Variants in COMT observed in about 807,000 individuals in gnomAD.
COMT encodes catechol-O-methyltransferase, also known as catechol O-methyltransferase.
Under a neutral mutation model 18.9 loss-of-function variants are expected in COMT, and 13 were observed. The observed-to-expected ratio is 0.69, with a 90% CI of 0.45 to 1.09. The LOEUF (loss-of-function observed/expected upper bound fraction) is 1.09, where lower values mean the gene tolerates loss of function less well. COMT is among the 50% of genes least tolerant of loss of function. COMT has a pLI of 0.00. For synonymous variants in COMT, 150 were observed against 160.9 expected, an observed-to-expected ratio of 0.93 and a Z score of 0.51; for missense variants, 329 against 361.8, an observed-to-expected ratio of 0.91 and a Z score of 0.73.
At chr22:19,963,492 G>T (rs1375817668) in intron 3 of COMT, 74 bp from the exon 4 acceptor site, 21 of 1,540,904 alleles carry the variant, frequency 1.4e-5, no homozygotes, top group South Asian at 3.4e-5. Context: ...GAGAGGTGGG[G>T]GGCCGTGCCT....
intron 3 of COMT, chr22:19,963,197 A>T: frequency 2.1e-6 from 1 of 473,884 alleles, no homozygotes; most frequent in Admixed American, 3.7e-5. Context: ...GGAGTGACTC[A>T]GGGAACTAGT....
At chr22:19,964,803 G>T in intron 5 of COMT, 1 of 324,892 alleles carries the variant, frequency 3.1e-6, no homozygotes, top group South Asian at 3.4e-5. Context: ...GCTAGACAGC[G>T]GGTGGGGCTG....
At chr22:19,956,962 T>C (rs1189119512) in intron 1 of COMT, among the ~76,000 whole-genome samples, 3 of 151,748 alleles carry the variant, frequency 2.0e-5, no homozygotes, top group African/African-American at 7.3e-5. Flanking sequence ...GTCTTTTTTT[T>C]TTTTTTGAGA....
intron 5 of COMT, among the ~76,000 whole-genome samples, chr22:19,967,859 G>A (rs532621286): frequency 1.3e-5 from 2 of 152,232 alleles, no homozygotes; most frequent in African/African-American, 4.8e-5. Flanking sequence ...GCATAGATAG[G>A]CAAGCATCCT....
chr22:19,941,836 C>T lies in COMT; in HGVS notation c.-153C>T. 8.0e-6 allele frequency: 12 copies of T among 1,494,698 alleles called. No individual in the cohort carries two copies. Among genetic ancestry groups the T allele is most frequent in the African/African-American group, 1.5e-5 (1 of 68,742 alleles). 92.6% of individuals were successfully genotyped at this position (1,494,698 alleles called of 1,614,324 possible). On this transcript the variant is annotated 5_prime_UTR_variant, in exon 1 of 6. Coordinates refer to ENST00000361682, the MANE Select transcript of COMT (RefSeq NM_000754.4). Reference sequence around the variant, plus strand: ...GGGCTTCTGGGGCAGCTAGGGCTGCCCGCCGCGCTGCCTGCGCCGGACCGG... The same window carrying T: ...GGGCTTCTGGGGCAGCTAGGGCTGCTCGCCGCGCTGCCTGCGCCGGACCGG...
At chr22:19,958,407 C>T (rs1942112547) in intron 1 of COMT, among the ~76,000 whole-genome samples, 1 of 151,866 alleles carries the variant, frequency 6.6e-6, no homozygotes, top group Non-Finnish European at 1.5e-5. Context: ...TCAAGCAATC[C>T]TCCCATCCCA....
In COMT at chr22:19,969,969, T is replaced by C; in HGVS notation, c.*1233T>C. 1 of 985,666 alleles carries C rather than the reference T, an allele frequency of 1.0e-6. No individual in the cohort carries two copies. The allele number at this position is 985,666 out of a possible 1,614,324, so 61.1% of individuals were successfully genotyped here. ...TTACCAATAGTCTTATTTTGGCTTATTTTTAATGCTTTTTCTCAGTGTTTT... is the reference window on the plus strand; with the variant it reads ...TTACCAATAGTCTTATTTTGGCTTACTTTTAATGCTTTTTCTCAGTGTTTT... On this transcript the variant is annotated 3_prime_UTR_variant, in exon 6 of 6. Transcript: ENST00000361682.
chr22:19,962,134 T>G, intron 2 of COMT: 1 of 312,730 alleles, frequency 3.2e-6, no homozygotes, highest in Non-Finnish European at 6.2e-6. Context: ...TACCCCCAAC[T>G]CCGGGCCATG....
chr22:19,948,140 ATATC>A (rs1407784012), intron 1 of COMT, among the ~76,000 whole-genome samples: 2 of 152,200 alleles, frequency 1.3e-5, no homozygotes, highest in African/African-American at 4.8e-5. Context: ...TCTATGATCT[ATATC>A]TAATGTAACT....
At chr22:19,962,024 A>G (rs1357100964) in intron 2 of COMT, 1 of 186,582 alleles carries the variant, frequency 5.4e-6, no homozygotes, top group African/African-American at 2.4e-5. Context: ...AAAAGGCCAC[A>G]TGAATCCCTG....
intron 1 of COMT, among the ~76,000 whole-genome samples, chr22:19,948,726 G>A (rs1462120954): frequency 6.6e-6 from 1 of 152,070 alleles, no homozygotes; most frequent in African/African-American, 2.4e-5. Flanking sequence ...AGGTCAAGGT[G>A]GACAGATCAC....
At chr22:19,958,037 C>CA (rs1283589577) in intron 1 of COMT, among the ~76,000 whole-genome samples, 1 of 151,896 alleles carries the variant, frequency 6.6e-6, no homozygotes, top group Non-Finnish European at 1.5e-5. Flanking sequence ...TCCCTGTTTT[C>CA]AATTCTTGGT....
At chr22:19,950,514 G>A (rs528907708) in intron 1 of COMT, among the ~76,000 whole-genome samples, 32 of 152,268 alleles carry the variant, frequency 2.1e-4, no homozygotes, top group African/African-American at 7.0e-4. Flanking sequence ...TGCCCTGATG[G>A]ATGACTACAT....
At chr22:19,960,132 A>T (rs1316328797) in intron 1 of COMT, among the ~76,000 whole-genome samples, 1 of 152,266 alleles carries the variant, frequency 6.6e-6, no homozygotes, top group Non-Finnish European at 1.5e-5. Context: ...TCAAAAGCCA[A>T]ATTCTTACAC....
chr22:19,950,261 T>TTTTTTTTTTTTTTTTG (rs763598655), intron 1 of COMT, among the ~76,000 whole-genome samples: 38 of 132,718 alleles, frequency 2.9e-4, no homozygotes, highest in Non-Finnish European at 4.9e-4. Flanking sequence ...TTTTTTTTTT[T>TTTTTTTTTTTTTTTTG]TTCTGTAGAG....
chr22:19,967,392 C>CG, intron 5 of COMT: 1 of 458,708 alleles, frequency 2.2e-6, no homozygotes, highest in Admixed American at 2.6e-5. Context: ...ATTGCTAGGA[C>CG]ATTTTTTTTT....
At chr22:19,964,694 G>C in intron 5 of COMT, 1 of 552,704 alleles carries the variant, frequency 1.8e-6, no homozygotes, top group Non-Finnish European at 3.3e-6. Flanking sequence ...CTCGTGCAAA[G>C]AAAGCATGTG....
intron 1 of COMT, among the ~76,000 whole-genome samples, chr22:19,957,595 G>A (rs150925099): frequency 1.3e-5 from 2 of 152,360 alleles, no homozygotes; most frequent in East Asian, 1.9e-4. Context: ...AGAGCCAGAG[G>A]TGTCAAGCCC....
chr22:19,951,383 G>A (rs1189996831), intron 1 of COMT: 1 of 147,832 alleles, frequency 6.8e-6, no homozygotes, highest in African/African-American at 2.5e-5. Context: ...AAAAAGCCTG[G>A]GACTCTTAGC....
Sources: gnomAD v4.1 joint callset for allele counts (sites outside exome capture counted in the v4.1 genomes callset) on GRCh38, gnomAD v4.1.1 for gene constraint, MANE v1.5 for transcripts, NCBI Gene and HGNC (gene_info 2026-07-23, HGNC 2026-07-21) for gene names.